The following ZNRF4 variants were observed in gnomAD, a reference collection of about 807,000 sequenced individuals.
ZNRF4 encodes the protein zinc and ring finger 4.
For synonymous variants in ZNRF4, 291 were observed against 285.9 expected, an observed-to-expected ratio of 1.02 and a Z score of -0.18; for missense variants, 569 against 609.4, an observed-to-expected ratio of 0.93 and a Z score of 0.70.
Position 5,456,283 on chromosome 19 carries a change from G to A in ZNRF4, c.792G>A (p.Leu264=). 5 of 1,613,734 alleles carry A rather than the reference G, an allele frequency of 3.1e-6. No individual in the cohort carries two copies. Among genetic ancestry groups the A allele is most frequent in the East Asian group, 2.2e-5 (1 of 44,868 alleles). The change falls in exon 1 of 1, where the codon CTG becomes CTA. Residue 264 remains leucine (L), a synonymous_variant. Transcript: ENST00000222033. ...VSWVLGCTLA[L]VVSAFFVLNH... is the part of the protein sequence containing the mutation. ...GGGTGCTGGGCTGTACCCTGGCCCT[G>A]GTCGTATCAGCCTTCTTTGTCCTGA...
rs1231308071 is a variant in ZNRF4 at position 5,455,574 on chromosome 19, T to C, written c.83T>C (p.Val28Ala). 6.2e-7 allele frequency: 1 copy of C among 1,612,424 alleles called. No individual in the cohort carries two copies. The highest frequency in any genetic ancestry group is 1.1e-5 in the South Asian group (1 of 91,074). Residue 28 changes from valine (V) to alanine (A), a missense_variant, in exon 1 of 1, where the codon GTC becomes GCC. Transcript: ENST00000222033. ...VAASLPLSHA[V>A]IPTQLPSRPG... ...GCGTCACTGCCTCTGAGCCACGCGG[T>C]CATTCCAACTCAACTGCCCTCGCGT...
chr19:5,456,126 T>C lies in ZNRF4; in HGVS notation c.635T>C (p.Val212Ala). Residue 212 changes from valine to alanine, a missense_variant, in exon 1 of 1, where the codon GTG (valine) becomes GCG (alanine). Transcript: ENST00000222033. ...DLRGQIAIPS[V>A]FVSEAASQDL... ...AGGGGCCAGATCGCCATCCCCTCAG[T>C]GTTCGTGAGCGAGGCCGCCTCGCAG... 1.2e-6 allele frequency: 2 copies of C among 1,607,180 alleles called. No individual in the cohort carries two copies. The highest frequency in any genetic ancestry group is 8.5e-7 in the Non-Finnish European group (1 of 1,179,836).
rs748663792 is a variant in ZNRF4 at position 5,455,739 on chromosome 19, T to C, written c.248T>C (p.Val83Ala). ...CGGCCGGGCCGAGCCCTCGTGGCAG[T>C]CAAAGCCTTGCTGGTCTTGTCGCTG... ...WPRPGRALVA[V>A]KALLVLSLLQ... is the part of the protein sequence containing the mutation. Residue 83 changes from valine to alanine, a missense_variant, in exon 1 of 1, where the codon GTC becomes GCC. Val to Ala is a moderately conservative substitution (Grantham distance 64). Transcript: ENST00000222033. 5 of 1,605,546 alleles carry C rather than the reference T, an allele frequency of 3.1e-6. No individual in the cohort carries two copies. Among genetic ancestry groups the C allele is most frequent in the Non-Finnish European group, 4.2e-6 (5 of 1,179,820 alleles).
At position 5,456,224 on chromosome 19, in the gene ZNRF4, G is replaced by T. The variant is rs756671953; in HGVS notation, c.733G>T (p.Asp245Tyr). 1.2e-6 allele frequency: 2 copies of T among 1,611,820 alleles called. No homozygotes were observed. The highest frequency in any genetic ancestry group is 8.5e-7 in the Non-Finnish European group (1 of 1,180,004). Residue 245 changes from aspartate to tyrosine, a missense_variant, in exon 1 of 1, where the codon GAC becomes TAC. Transcript: ENST00000222033. Reference sequence around the variant, plus strand: ...CCTGCCCGACGACCCACCGTGCCACGACCTGGGCTGTCACCCCGTGCTGAC... The same window carrying T: ...CCTGCCCGACGACCCACCGTGCCACTACCTGGGCTGTCACCCCGTGCTGAC... The part of the protein sequence containing the change: ...LLLPDDPPCH[D>Y]LGCHPVLTVS...
chr19:5,455,901 AGCCAGCCAACGCGT>A lies in ZNRF4; in HGVS notation c.415_428del (p.Ala139SerfsTer172). The A allele has an allele frequency of 6.2e-7, 1 of 1,602,304 alleles. No homozygotes were observed. The highest frequency in any genetic ancestry group is 8.5e-7 in the Non-Finnish European group (1 of 1,179,354). On this transcript the variant is annotated frameshift_variant, in exon 1 of 1. Coordinates refer to ENST00000222033, the MANE Select transcript of ZNRF4 (RefSeq NM_181710.4). LOFTEE classifies it low-confidence loss of function (END_TRUNC). ...ATACGGGGCTACCTGATGGAGGTCA[AGCCAGCCAACGCGT>A]GCCATCCCATCGAGGCCCCGCGACT...
Sources: gnomAD v4.1 joint callset for allele counts on GRCh38, gnomAD v4.1.1 for gene constraint, MANE v1.5 for transcripts, NCBI Gene and HGNC (gene_info 2026-07-23, HGNC 2026-07-21) for gene names.